Variants in SPOCK3 observed in about 807,000 individuals in gnomAD.
The protein encoded by SPOCK3 is SPARC (osteonectin), cwcv and kazal like domains proteoglycan 3, also known as testican-3.
Under a neutral mutation model 56.6 loss-of-function variants are expected in SPOCK3, and 30 were observed. That is an observed-to-expected ratio of 0.53 (90% CI 0.40 to 0.72). The LOEUF (loss-of-function observed/expected upper bound fraction) is 0.72. Among genes scored for constraint, SPOCK3 ranks in the 30% least tolerant of loss-of-function variants. The probability of loss-of-function intolerance (pLI) is 0.00; values close to 1 mark genes in which losing one functional copy is unlikely to be tolerated. For synonymous variants in SPOCK3, 196 were observed against 183.3 expected, an observed-to-expected ratio of 1.07 and a Z score of -0.56; for missense variants, 527 against 530.0, an observed-to-expected ratio of 0.99 and a Z score of 0.06.
chr4:166,897,562 C>T (rs965996236), intron 5 of SPOCK3, among the ~76,000 whole-genome samples: 18 of 152,128 alleles, frequency 1.2e-4, no homozygotes, highest in African/African-American at 1.9e-4. Flanking sequence ...ATTACCCCTG[C>T]GGGACTTGTG....
At chr4:167,045,280 C>T (rs1400337526) in intron 3 of SPOCK3, among the ~76,000 whole-genome samples, 2 of 152,020 alleles carry the variant, frequency 1.3e-5, no homozygotes, top group African/African-American at 4.8e-5. Flanking sequence ...CTATACGTAG[C>T]TTTAAATTTA....
intron 6 of SPOCK3, among the ~76,000 whole-genome samples, chr4:166,886,305 A>G (rs568828048): frequency 7.2e-5 from 11 of 152,274 alleles, no homozygotes; most frequent in African/African-American, 2.4e-4. Flanking sequence ...AAGATGGAAG[A>G]AAAGGAGGGA....
chr4:167,008,992 CAATT>C (rs999317542), intron 3 of SPOCK3, among the ~76,000 whole-genome samples: 6 of 152,032 alleles, frequency 3.9e-5, no homozygotes, highest in South Asian at 2.1e-4. Flanking sequence ...GAATCCATAA[CAATT>C]AAAAAGAATA....
intron 1 of SPOCK3, 125 bp downstream of exon 1, chr4:167,234,325 G>T: frequency 1.4e-6 from 1 of 734,434 alleles, no homozygotes; most frequent in Non-Finnish European, 2.2e-6. Context: ...CCTCCCCGCA[G>T]GCTTTACCCC....
chr4:167,058,320 A>G (rs1359966973), intron 3 of SPOCK3, among the ~76,000 whole-genome samples: 1 of 152,122 alleles, frequency 6.6e-6, no homozygotes, highest in Admixed American at 6.5e-5. Context: ...TACAAAATCA[A>G]TGTACAAAAA....
chr4:167,197,622 AT>A (rs1262689929), intron 2 of SPOCK3, among the ~76,000 whole-genome samples: 2 of 150,868 alleles, frequency 1.3e-5, no homozygotes, highest in Non-Finnish European at 2.9e-5. Context: ...AAAAAAAAAA[AT>A]CCCACAAAAG....
At chr4:166,817,233 G>A (rs1744467056) in intron 6 of SPOCK3, among the ~76,000 whole-genome samples, 1 of 152,090 alleles carries the variant, frequency 6.6e-6, no homozygotes, top group Admixed American at 6.6e-5. Flanking sequence ...AAGGAAACTT[G>A]AGCTTAGGAA....
At chr4:167,192,317 G>A (rs1046622709) in intron 2 of SPOCK3, among the ~76,000 whole-genome samples, 2 of 145,648 alleles carry the variant, frequency 1.4e-5, no homozygotes, top group South Asian at 2.1e-4. Flanking sequence ...ATTTGGAAGT[G>A]TTCTCTCCAA....
At chr4:166,912,258 T>C (rs534203223) in intron 5 of SPOCK3, among the ~76,000 whole-genome samples, 1 of 152,212 alleles carries the variant, frequency 6.6e-6, no homozygotes, top group Non-Finnish European at 1.5e-5. Context: ...GGAGATAAAA[T>C]ATGAGATTAA....
intron 3 of SPOCK3, among the ~76,000 whole-genome samples, chr4:167,014,268 T>C (rs1407693261): frequency 1.2e-5 from 1 of 84,728 alleles, no homozygotes; most frequent in Non-Finnish European, 2.6e-5. Context: ...CTACTTTTTC[T>C]TGAGTGGGTT....
intron 6 of SPOCK3, among the ~76,000 whole-genome samples, chr4:166,866,508 G>A (rs1313831231): frequency 6.6e-6 from 1 of 152,108 alleles, no homozygotes; most frequent in Non-Finnish European, 1.5e-5. Flanking sequence ...TTCAGAATGG[G>A]AGAAAATGTT....
intron 6 of SPOCK3, among the ~76,000 whole-genome samples, chr4:166,795,733 A>C (rs1189921852): frequency 6.6e-6 from 1 of 151,996 alleles, no homozygotes; most frequent in Non-Finnish European, 1.5e-5. Context: ...TTCATGTTGT[A>C]TTTGAGAGTC....
At chr4:166,828,877 A>G (rs62353205) in intron 6 of SPOCK3, among the ~76,000 whole-genome samples, 10,790 of 152,042 alleles carry the variant, frequency 0.071, 515 homozygotes, top group Non-Finnish European at 0.1. Context: ...CCCCCAAGAG[A>G]AATGTATCTT....
At chr4:166,865,566 A>G (rs1731739862) in intron 6 of SPOCK3, among the ~76,000 whole-genome samples, 1 of 152,204 alleles carries the variant, frequency 6.6e-6, no homozygotes, top group African/African-American at 2.4e-5. Flanking sequence ...TAAACTGATA[A>G]GCAACTTCAG....
intron 2 of SPOCK3, among the ~76,000 whole-genome samples, chr4:167,165,829 A>G (rs1394450832): frequency 2.0e-5 from 3 of 152,064 alleles, no homozygotes; most frequent in Non-Finnish European, 1.5e-5. Flanking sequence ...CAGAGATTCA[A>G]GAAAAATCCA....
intron 7 of SPOCK3, among the ~76,000 whole-genome samples, chr4:166,755,452 G>A (rs909105662): frequency 1.3e-5 from 2 of 152,106 alleles, no homozygotes; most frequent in East Asian, 1.9e-4. Context: ...CAGACCTCAC[G>A]AACCTCAGTT....
intron 4 of SPOCK3, among the ~76,000 whole-genome samples, chr4:166,914,471 TA>T (rs1472197587): frequency 6.6e-6 from 1 of 152,148 alleles, no homozygotes; most frequent in Non-Finnish European, 1.5e-5. Context: ...AGTAAATTTT[TA>T]AAAAGTTTGA....
intron 3 of SPOCK3, among the ~76,000 whole-genome samples, chr4:167,012,544 GA>G (rs888456866): frequency 1.9e-4 from 29 of 151,890 alleles, no homozygotes; most frequent in Non-Finnish European, 3.7e-4. Flanking sequence ...AGCACTTGGG[GA>G]AAAAAATTAA....
chr4:167,068,149 T>G (rs555546152), intron 2 of SPOCK3, among the ~76,000 whole-genome samples: 1 of 151,726 alleles, frequency 6.6e-6, no homozygotes, highest in African/African-American at 2.4e-5. Flanking sequence ...ATTTTCAAAT[T>G]TTAGCTTAAC....
Sources: allele counts gnomAD v4.1 joint callset (sites outside exome capture counted in the v4.1 genomes callset), GRCh38; gene constraint gnomAD v4.1.1; transcripts MANE v1.5; gene names NCBI Gene and HGNC (gene_info 2026-07-23, HGNC 2026-07-21).